FGFRL1: variants seen among roughly 807,000 people sequenced by gnomAD.
FGFRL1 encodes fibroblast growth factor receptor like 1, also known as fibroblast growth factor receptor-like 1.
A neutral mutation model predicts 36.8 loss-of-function variants in FGFRL1; 24 were observed. The ratio of observed to expected loss-of-function variants is 0.65; its 90% CI spans 0.47 to 0.92. The LOEUF is 0.92. FGFRL1 is among the 40% of genes least tolerant of loss of function. The pLI is 0.00. For synonymous variants in FGFRL1, 422 were observed against 344.1 expected (o/e 1.23, Z -2.50); for missense variants, 785 against 753.4 (o/e 1.04, Z -0.49).
chr4:1,020,519 T>C (rs1337212779), intron 2 of FGFRL1, among the ~76,000 whole-genome samples: 1 of 151,284 alleles, frequency 6.6e-6, no homozygotes, highest in Non-Finnish European at 1.5e-5. Flanking sequence ...TAGGTTCATC[T>C]TCCTGGCCGG....
chr4:1,010,977 C>G (rs1398066168), upstream of FGFRL1: 1 of 152,262 alleles, frequency 6.6e-6, no homozygotes, highest in African/African-American at 2.4e-5. Context: ...CCAAAGGCAC[C>G]AGGTAACCCG....
intron 2 of FGFRL1, among the ~76,000 whole-genome samples, chr4:1,021,993 T>A (rs1411188746): frequency 6.6e-6 from 1 of 152,198 alleles, no homozygotes; most frequent in Non-Finnish European, 1.5e-5. Context: ...TGGTGTTTGC[T>A]GGGCCAGTGC....
intron 2 of FGFRL1, among the ~76,000 whole-genome samples, chr4:1,018,884 G>T (rs1716030368): frequency 6.6e-6 from 1 of 152,158 alleles, no homozygotes; most frequent in African/African-American, 2.4e-5. Flanking sequence ...GGGGTCCGGG[G>T]AGCCCAGGTG....
In FGFRL1 at chr4:1,016,434, T is replaced by C. The variant is rs1002369318; in HGVS notation, c.79+3870T>C. On this transcript the variant is annotated intron_variant, in intron 2 of 6. Coordinates refer to ENST00000510644, the MANE Select transcript of FGFRL1 (RefSeq NM_001004356.3). ...ACGGAGGAATCTTTGCCTGTTTTAG[T>C]GCTGTACAAGGTTCTCTCCAGGGCG... is the stretch of plus-strand genomic sequence containing the variant. Among the ~76,000 whole-genome samples the C allele has an allele frequency of 2.0e-5, 3 of 152,188 alleles. 1 individual carries two copies. The East Asian group carries it at 5.8e-4, about 29-fold the overall frequency.
Position 1,024,092 on chromosome 4 carries a change from G to C in FGFRL1, c.709G>C (p.Asp237His). Residue 237 changes from aspartate to histidine, a missense_variant, in exon 5 of 7, where the codon GAT becomes CAT. By Grantham distance (81) the Asp-to-His change is moderately conservative (BLOSUM62 -1). Transcript: ENST00000510644. ...CGCCATCAACGCCACCTACAAGGTG[G>C]ATGTGATCCGTGAGTGTGGCCCCGG... Reference protein sequence around the residue: ...AGAINATYKVDVIQRTRSKPV... With the variant: ...AGAINATYKVHVIQRTRSKPV... 6.3e-7 allele frequency: 1 copy of C among 1,580,236 alleles called. No homozygotes were observed. The highest frequency in any genetic ancestry group is 8.6e-7 in the Non-Finnish European group (1 of 1,165,244).
chr4:1,024,933 C>T lies in FGFRL1; in HGVS notation c.1101C>T (p.Ala367=). The change falls in exon 7 of 7, where the codon GCC becomes GCT. Residue 367 remains alanine, a synonymous_variant. Coordinates refer to ENST00000510644, the MANE Select transcript of FGFRL1 (RefSeq NM_001004356.3). ...PDPKPPGPPV[A]SSSSATSLPW... Reference sequence around the variant, plus strand: ...CAAAACCGCCAGGGCCACCTGTGGCCTCCTCGTCCTCGGCCACTAGCCTGC... The same window carrying T: ...CAAAACCGCCAGGGCCACCTGTGGCTTCCTCGTCCTCGGCCACTAGCCTGC... 6.2e-7 allele frequency: 1 copy of T among 1,601,402 alleles called. No homozygotes were observed. The highest frequency in any genetic ancestry group is 1.1e-5 in the South Asian group (1 of 90,818).
At chr4:1,019,600 T>C (rs1342841364) in intron 2 of FGFRL1, among the ~76,000 whole-genome samples, 1 of 152,134 alleles carries the variant, frequency 6.6e-6, no homozygotes, top group African/African-American at 2.4e-5. Context: ...AGCCGCTTCC[T>C]CCCCGGGACA....
At chr4:1,020,013 CT>C (rs1437240734) in intron 2 of FGFRL1, among the ~76,000 whole-genome samples, 2 of 152,376 alleles carry the variant, frequency 1.3e-5, no homozygotes, top group African/African-American at 4.8e-5. Flanking sequence ...GCAACGCCCC[CT>C]GTGCTATCAG....
In FGFRL1 at chr4:1,023,838, C is replaced by G; in HGVS notation, c.455C>G (p.Pro152Arg). ...QQWARPRFTQPSKMRRRVIAR... is the reference protein window; with the variant it reads ...QQWARPRFTQRSKMRRRVIAR... Reference sequence around the variant, plus strand: ...GCAGCACGACCGCGCTTCACACAGCCCTCCAAGATGAGGCGCCGGGTGATC... The same window carrying G: ...GCAGCACGACCGCGCTTCACACAGCGCTCCAAGATGAGGCGCCGGGTGATC... The change falls in exon 5 of 7, where the codon CCC (proline) becomes CGC (arginine). Residue 152 changes from proline to arginine, a missense_variant. Pro to Arg is a moderately radical substitution (Grantham distance 103). Coordinates refer to ENST00000510644, the MANE Select transcript of FGFRL1 (RefSeq NM_001004356.3). This position sits in a 1 kb window ranked among gnomAD's most constrained non-coding sequence, Gnocchi z 6.0. 6.3e-7 allele frequency: 1 copy of G among 1,582,870 alleles called. No homozygotes were observed. Among genetic ancestry groups the G allele is most frequent in the Non-Finnish European group, 8.6e-7 (1 of 1,165,322 alleles).
chr4:1,022,932 G>A (rs1438492478), intron 3 of FGFRL1, among the ~76,000 whole-genome samples: 3 of 152,202 alleles, frequency 2.0e-5, no homozygotes, highest in African/African-American at 7.2e-5. Flanking sequence ...CCATACCTAG[G>A]GACCCGGCAC....
chr4:1,023,863 C>T lies in FGFRL1; in HGVS notation c.480C>T (p.Ile160=), dbSNP rs1283076647. ...TQPSKMRRRV[I]ARPVGSSVRL... is the part of the protein sequence containing the mutation. ...CCTCCAAGATGAGGCGCCGGGTGAT[C>T]GCACGGCCCGTGGGTAGCTCCGTGC... Residue 160 remains isoleucine (I), a synonymous_variant, in exon 5 of 7, where the codon ATC becomes ATT. Coordinates refer to ENST00000510644, the MANE Select transcript of FGFRL1 (RefSeq NM_001004356.3). This position sits in a 1 kb window ranked among gnomAD's most constrained non-coding sequence, Gnocchi z 6.0. 3 of 1,576,402 alleles carry T rather than the reference C, an allele frequency of 1.9e-6. No individual in the cohort carries two copies. Among genetic ancestry groups the T allele is most frequent in the South Asian group, 1.1e-5 (1 of 87,730 alleles).
At chr4:1,021,802 C>T (rs1446349469) in intron 2 of FGFRL1, among the ~76,000 whole-genome samples, 1 of 152,188 alleles carries the variant, frequency 6.6e-6, no homozygotes, top group Non-Finnish European at 1.5e-5. Flanking sequence ...CCCCTCTGAC[C>T]TCGGGTGTAC....
rs113926759 is a variant in FGFRL1 at position 1,025,512 on chromosome 4, GAC to G, written c.*174_*175del. 6 of 790,042 alleles carry G rather than the reference GAC, an allele frequency of 7.6e-6. No individual in the cohort carries two copies. The highest frequency in any genetic ancestry group is 2.7e-5 in the East Asian group (1 of 36,850). 48.9% of individuals were successfully genotyped at this position (790,042 alleles called of 1,614,324 possible). A position where few individuals can be genotyped will look rare whatever the true frequency, so the allele number is the denominator to read the frequency against. On this transcript the variant is annotated 3_prime_UTR_variant, in exon 7 of 7. Transcript: ENST00000510644. ...CATAGCCCCTGGACACACACACACA[GAC>G]ACACACACTGCCTGGATGCATGTAT...
chr4:1,023,743 T>TGGGGGGG lies in FGFRL1; in HGVS notation c.433+28_433+29insGGGGGGG. 1.2e-6 allele frequency: 1 copy of TGGGGGGG among 868,240 alleles called. No individual in the cohort carries two copies. Among genetic ancestry groups the TGGGGGGG allele is most frequent in the Non-Finnish European group, 1.7e-6 (1 of 574,238 alleles). 53.8% of individuals were successfully genotyped at this position (868,240 alleles called of 1,614,324 possible). The stretch of plus-strand genomic sequence containing the variant: ...TGGGGTGAGCAGGGGGTGACGGGGG[T>TGGGGGGG]GGGGGGCGTCCGTCTGTCCCGGCCC... On this transcript the variant is annotated intron_variant, in intron 4 of 6. Transcript: ENST00000510644. The surrounding 1 kb of genome is among the most constrained non-coding windows in gnomAD (Gnocchi z 6.0).
At position 1,022,469 on chromosome 4, in the gene FGFRL1, G is replaced by A. The variant is rs767870668; in HGVS notation, c.346G>A (p.Val116Met). 13 of 1,599,694 alleles carry A rather than the reference G, an allele frequency of 8.1e-6. No individual in the cohort carries two copies. In the Admixed American group the frequency reaches 1.2e-4, roughly 14 times the overall value. Residue 116 changes from valine to methionine, a missense_variant, in exon 3 of 7, where the codon GTG becomes ATG. Val to Met is a conservative substitution (Grantham distance 21). Transcript: ENST00000510644. ...GSLSVNYTLV[V>M]LDDISPGKES... ...CCTGAGCGTCAACTACACCCTCGTC[G>A]TGCTGGGTTAGTCGCTGCTGCGGTC...
At chr4:1,017,128 C>T (rs1460704683) in intron 2 of FGFRL1, among the ~76,000 whole-genome samples, 1 of 152,176 alleles carries the variant, frequency 6.6e-6, no homozygotes, top group Non-Finnish European at 1.5e-5. Flanking sequence ...CCCCTTCCCC[C>T]AGGCCACTCA....
chr4:1,024,845 G>A lies in FGFRL1; in HGVS notation c.1073-60G>A, dbSNP rs1345401226. 5 of 1,511,532 alleles carry A rather than the reference G, an allele frequency of 3.3e-6. No individual in the cohort carries two copies. In the South Asian group the frequency reaches 5.0e-5, roughly 15 times the overall value. The allele number at this position is 1,511,532 out of a possible 1,614,324, so 93.6% of individuals were successfully genotyped here. On this transcript the variant is annotated intron_variant, in intron 6 of 6. Coordinates refer to ENST00000510644, the MANE Select transcript of FGFRL1 (RefSeq NM_001004356.3). Reference sequence around the variant, plus strand: ...ACAGCCCCTGGGATGGGTCTGGGGTGCTCTCCTGGTCTTTGTGTCGGCGTT... The same window carrying A: ...ACAGCCCCTGGGATGGGTCTGGGGTACTCTCCTGGTCTTTGTGTCGGCGTT...
At chr4:1,018,990 C>A (rs1303068492) in intron 2 of FGFRL1, among the ~76,000 whole-genome samples, 1 of 152,168 alleles carries the variant, frequency 6.6e-6, no homozygotes, top group Non-Finnish European at 1.5e-5. Context: ...GCCTACAGCG[C>A]TTGCAGGCCG....
intron 2 of FGFRL1, among the ~76,000 whole-genome samples, chr4:1,019,946 C>T (rs535725572): frequency 6.6e-6 from 1 of 152,348 alleles, no homozygotes; most frequent in East Asian, 1.9e-4. Context: ...CGCCGTGTCT[C>T]CACTCCCAGC....
Sources: gnomAD v4.1 joint callset for allele counts (sites outside exome capture counted in the v4.1 genomes callset) on GRCh38, gnomAD v4.1.1 for gene constraint, Gnocchi (gnomAD v3.1) non-coding constraint, MANE v1.5 for transcripts, NCBI Gene and HGNC (gene_info 2026-07-23, HGNC 2026-07-21) for gene names.